Variants in DYRK1A observed in about 807,000 individuals in gnomAD.
The protein encoded by DYRK1A is dual specificity tyrosine-phosphorylation-regulated kinase 1A.
DYRK1A carries 9 observed loss-of-function variants against 79.7 expected under a neutral mutation model. That is an observed-to-expected ratio of 0.11 (90% CI 0.07 to 0.20). DYRK1A has a LOEUF of 0.20. Among genes scored for constraint, DYRK1A ranks in the 10% least tolerant of loss-of-function variants. DYRK1A has a pLI of 1.00. For missense variants in DYRK1A, 622 were observed against 956.0 expected (o/e 0.65, Z 4.61); for synonymous variants, 349 against 329.7 (o/e 1.06, Z -0.63).
chr21:37,470,891 A>G (rs1317752626), intron 2 of DYRK1A, among the ~76,000 whole-genome samples: 1 of 152,222 alleles, frequency 6.6e-6, no homozygotes, highest in Admixed American at 6.5e-5. Flanking sequence ...ACTATGAATG[A>G]TGAAATGTTT....
At chr21:37,430,820 C>T (rs866765727) in intron 2 of DYRK1A, among the ~76,000 whole-genome samples, 1 of 152,168 alleles carries the variant, frequency 6.6e-6, no homozygotes, top group Non-Finnish European at 1.5e-5. Context: ...GTTTGAGCGG[C>T]TGGGACTCAG....
At chr21:37,479,810 G>A (rs920844062) in intron 4 of DYRK1A, among the ~76,000 whole-genome samples, 3 of 151,486 alleles carry the variant, frequency 2.0e-5, no homozygotes, top group African/African-American at 7.3e-5. Context: ...TGTATTTTTA[G>A]TAGAGACGGG....
At chr21:37,441,794 T>C (rs971325007) in intron 2 of DYRK1A, among the ~76,000 whole-genome samples, 4 of 152,264 alleles carry the variant, frequency 2.6e-5, no homozygotes, top group South Asian at 4.1e-4. Flanking sequence ...TGTATTCTTA[T>C]CCATTTCGTT....
chr21:37,450,892 A>G (rs1290946057), intron 2 of DYRK1A, among the ~76,000 whole-genome samples: 1 of 146,598 alleles, frequency 6.8e-6, no homozygotes, highest in Non-Finnish European at 1.5e-5. Flanking sequence ...AGAGCAGAAT[A>G]CAGTCATGCA....
chr21:37,501,462 C>G (rs2053449241), intron 9 of DYRK1A: 1 of 152,130 alleles, frequency 6.6e-6, no homozygotes. Context: ...GCCACCACAC[C>G]CGGCCACTTT....
chr21:37,440,784 C>T (rs2051078940), intron 2 of DYRK1A, among the ~76,000 whole-genome samples: 2 of 152,046 alleles, frequency 1.3e-5, no homozygotes, highest in South Asian at 4.1e-4. Flanking sequence ...AACTCGATTT[C>T]CTTTAATTTA....
chr21:37,387,756 A>T (rs2049788432), intron 1 of DYRK1A, among the ~76,000 whole-genome samples: 1 of 152,196 alleles, frequency 6.6e-6, no homozygotes, highest in African/African-American at 2.4e-5. Flanking sequence ...TAATTTTTTG[A>T]GATACGGTCA....
chr21:37,414,284 A>G (rs2050296395), intron 1 of DYRK1A, among the ~76,000 whole-genome samples: 1 of 152,054 alleles, frequency 6.6e-6, no homozygotes, highest in African/African-American at 2.4e-5. Flanking sequence ...TGGTAGATTC[A>G]GTTTAATATG....
At chr21:37,506,478 A>G in intron 11 of DYRK1A, 1 of 1,118,422 alleles carries the variant, frequency 8.9e-7, no homozygotes, top group South Asian at 1.7e-5. Flanking sequence ...TGTTTATCTC[A>G]TTTACCAAAG....
intron 1 of DYRK1A, among the ~76,000 whole-genome samples, chr21:37,369,094 A>G (rs1217102976): frequency 6.6e-6 from 1 of 152,174 alleles, no homozygotes; most frequent in African/African-American, 2.4e-5. Context: ...GTCATAAGAA[A>G]GTTTTGTGTA....
intron 9 of DYRK1A, among the ~76,000 whole-genome samples, chr21:37,501,031 CT>C (rs1454698027): frequency 1.3e-5 from 2 of 151,316 alleles, no homozygotes; most frequent in African/African-American, 2.4e-5. Context: ...CCTTTTCCAG[CT>C]TCTTAAAGGT....
chr21:37,509,238 C>A (rs1021544104), intron 11 of DYRK1A, among the ~76,000 whole-genome samples: 1 of 152,136 alleles, frequency 6.6e-6, no homozygotes, highest in Non-Finnish European at 1.5e-5. Flanking sequence ...AATACATATT[C>A]TTCATCCACC....
chr21:37,395,890 C>T (rs1176378919), intron 1 of DYRK1A, among the ~76,000 whole-genome samples: 3 of 152,206 alleles, frequency 2.0e-5, no homozygotes, highest in Non-Finnish European at 2.9e-5. Context: ...AACCTTTTGT[C>T]TTCATAATGG....
intron 2 of DYRK1A, among the ~76,000 whole-genome samples, chr21:37,448,351 T>C (rs2148494799): frequency 6.6e-6 from 1 of 152,326 alleles, no homozygotes; most frequent in East Asian, 1.9e-4. Flanking sequence ...CTTGTTCTGG[T>C]GGAGGGTCCC....
chr21:37,487,055 A>T (rs550071719), intron 6 of DYRK1A: 1 of 152,654 alleles, frequency 6.6e-6, no homozygotes, highest in Non-Finnish European at 1.5e-5. Flanking sequence ...TCTCTTCATC[A>T]GCTTGGCAGC....
intron 2 of DYRK1A, among the ~76,000 whole-genome samples, chr21:37,445,208 G>A (rs2051227941): frequency 6.6e-6 from 1 of 152,182 alleles, no homozygotes; most frequent in Admixed American, 6.5e-5. Context: ...TAGAACACCA[G>A]CCCTGCTTGT....
intron 11 of DYRK1A, among the ~76,000 whole-genome samples, chr21:37,507,285 G>A (rs1053792150): frequency 2.6e-5 from 4 of 152,062 alleles, no homozygotes. Context: ...CTGCCATCAT[G>A]GGGGCTTTGC....
intron 2 of DYRK1A, among the ~76,000 whole-genome samples, chr21:37,437,543 CT>C (rs1273297027): frequency 6.6e-6 from 1 of 152,146 alleles, no homozygotes; most frequent in Non-Finnish European, 1.5e-5. Flanking sequence ...ACAAGTATTA[CT>C]TGTGAAACTT....
intron 1 of DYRK1A, among the ~76,000 whole-genome samples, chr21:37,396,383 A>T (rs997147367): frequency 6.6e-6 from 1 of 152,198 alleles, no homozygotes; most frequent in Non-Finnish European, 1.5e-5. Context: ...GTCCAGGCTC[A>T]GGAGAGTTAA....
Sources: gnomAD v4.1 joint callset for allele counts (sites outside exome capture counted in the v4.1 genomes callset) on GRCh38, gnomAD v4.1.1 for gene constraint, MANE v1.5 for transcripts, NCBI Gene and HGNC (gene_info 2026-07-23, HGNC 2026-07-21) for gene names.